The following SARDH variants were observed in gnomAD, a reference collection of about 807,000 sequenced individuals.
SARDH encodes sarcosine dehydrogenase, mitochondrial.
A neutral mutation model predicts 109.1 loss-of-function variants in SARDH; 95 were observed. The observed-to-expected ratio is 0.87, with a 90% CI of 0.74 to 1.03. The LOEUF (loss-of-function observed/expected upper bound fraction) is 1.03. Among genes scored for constraint, SARDH ranks in the 50% least tolerant of loss-of-function variants. SARDH has a pLI of 0.00. For missense variants in SARDH, 1,267 were observed against 1,287.8 expected, an observed-to-expected ratio of 0.98 and a Z score of 0.25; for synonymous variants, 572 against 534.8, an observed-to-expected ratio of 1.07 and a Z score of -0.96.
In SARDH at chr9:133,703,228, C is replaced by T. The variant is rs538663046; in HGVS notation, c.1555-199G>A. 4.1e-5 allele frequency: 24 copies of T among 582,924 alleles called. No individual in the cohort carries two copies. In the East Asian group the frequency reaches 6.5e-4, roughly 16 times the overall value. The allele number at this position is 582,924 out of a possible 1,614,324, so 36.1% of individuals were successfully genotyped here. ...AGGCAAAACAGAGGCACAAAGGAGG[C>T]CGCAGGGTTGCCTGGTGGGTCTGAG... On this transcript the variant is annotated intron_variant, in intron 12 of 20. Transcript: ENST00000439388.
chr9:133,733,847 C>G lies in SARDH; in HGVS notation c.327G>C (p.Thr109=). The change falls in exon 2 of 21, where the codon ACG becomes ACC. Residue 109 remains threonine, a synonymous_variant. Transcript: ENST00000439388. ...TACCTGGCCCCCGGTCCCTACCTGC[C>G]GTGTGCCAGGTGGTCCCGGAGGTCA... The part of the protein sequence containing the change: ...ERLTSGTTWH[T]AGLLWQLRPS... 6.8e-7 allele frequency: 1 copy of G among 1,463,124 alleles called. No homozygotes were observed. Among genetic ancestry groups the G allele is most frequent in the Non-Finnish European group, 9.0e-7 (1 of 1,105,854 alleles). The allele number at this position is 1,463,124 out of a possible 1,614,324, so 90.6% of individuals were successfully genotyped here.
intron 17 of SARDH, among the ~76,000 whole-genome samples, chr9:133,683,267 C>G (rs1830762457): frequency 6.6e-6 from 1 of 152,230 alleles, no homozygotes; most frequent in African/African-American, 2.4e-5. Flanking sequence ...GTCCCAGCAG[C>G]TTGCTGGAGT....
At chr9:133,684,882 G>A (rs1830828450) in intron 17 of SARDH, among the ~76,000 whole-genome samples, 1 of 152,214 alleles carries the variant, frequency 6.6e-6, no homozygotes, top group African/African-American at 2.4e-5. Flanking sequence ...CGCCTTTCAG[G>A]AGGGGATACA....
intron 17 of SARDH, among the ~76,000 whole-genome samples, chr9:133,673,753 C>G (rs1030309225): frequency 2.0e-5 from 3 of 152,192 alleles, no homozygotes; most frequent in African/African-American, 7.2e-5. Context: ...TATGGAGGAG[C>G]TCGGGGCTCA....
At chr9:133,710,840 G>T (rs934931238) in intron 10 of SARDH, among the ~76,000 whole-genome samples, 4 of 152,260 alleles carry the variant, frequency 2.6e-5, no homozygotes, top group African/African-American at 4.8e-5. Flanking sequence ...CCACGTCAGT[G>T]ACGGCTGGGC....
At chr9:133,679,583 C>T (rs576992376) in intron 17 of SARDH, among the ~76,000 whole-genome samples, 2 of 152,324 alleles carry the variant, frequency 1.3e-5, no homozygotes, top group South Asian at 4.1e-4. Flanking sequence ...CTCTGGGAGA[C>T]ACGCCGGGAG....
intron 18 of SARDH, 56 bp from the exon 19 acceptor site, chr9:133,670,808 G>A: frequency 6.7e-7 from 1 of 1,489,868 alleles, no homozygotes. Context: ...AAGCCCTTCA[G>A]GAGATGCATG....
chr9:133,679,244 G>A (rs1161492839), intron 17 of SARDH, among the ~76,000 whole-genome samples: 1 of 152,226 alleles, frequency 6.6e-6, no homozygotes, highest in East Asian at 1.9e-4. Flanking sequence ...ATCTGTCTCA[G>A]GCCTCAGCAA....
intron 19 of SARDH, 121 bp downstream of exon 19, chr9:133,670,463 G>C: frequency 6.3e-6 from 7 of 1,115,736 alleles, no homozygotes; most frequent in Non-Finnish European, 8.9e-6. Flanking sequence ...TTCTGGAAGA[G>C]CATGGCTGGC....
chr9:133,662,164 C>A (rs1829903042), downstream of SARDH, among the ~76,000 whole-genome samples: 1 of 152,040 alleles, frequency 6.6e-6, no homozygotes, highest in Non-Finnish European at 1.5e-5. The surrounding 1 kb of genome is among the most constrained non-coding windows in gnomAD (Gnocchi z 5.1). Flanking sequence ...GTGCTGGGTT[C>A]TCTCTCCTCG....
chr9:133,705,050 C>T lies in SARDH; in HGVS notation c.1471-19G>A, dbSNP rs755570762. 1.9e-6 allele frequency: 3 copies of T among 1,576,586 alleles called. No homozygotes were observed. The Admixed American group carries it at 5.6e-5, about 29-fold the overall frequency. On this transcript the variant is annotated intron_variant, in intron 11 of 20. Coordinates refer to ENST00000439388, the MANE Select transcript of SARDH (RefSeq NM_001134707.2). ...GGAGTTCCTGAGCAGGAGTGGGGAA[C>T]AGGCATCTGTCACGCATGGCCTGAT...
intron 16 of SARDH, 151 bp downstream of exon 16, chr9:133,690,229 T>G: frequency 1.2e-6 from 1 of 812,384 alleles, no homozygotes; most frequent in Non-Finnish European, 1.9e-6. Context: ...GCTTTGAAGA[T>G]ATTTATTCAG....
chr9:133,730,814 A>G (rs1168721315), intron 4 of SARDH, among the ~76,000 whole-genome samples: 1 of 152,096 alleles, frequency 6.6e-6, no homozygotes, highest in Non-Finnish European at 1.5e-5. Context: ...TGTCTCTACT[A>G]AAAATACAAA....
intron 17 of SARDH, among the ~76,000 whole-genome samples, chr9:133,673,222 CT>C (rs1830410314): frequency 6.6e-6 from 1 of 152,270 alleles, no homozygotes; most frequent in African/African-American, 2.4e-5. Flanking sequence ...CGTGATTTTC[CT>C]CACACACTTG....
Position 133,738,235 on chromosome 9 carries a change from G to A in SARDH, c.-31+19C>T, listed in dbSNP as rs1832948424. The A allele has an allele frequency of 1.3e-5, 2 of 152,504 alleles. No individual in the cohort carries two copies. The highest frequency in any genetic ancestry group is 1.5e-5 in the Non-Finnish European group (1 of 68,280). The allele number at this position is 152,504 out of a possible 1,614,324, so 9.4% of individuals were successfully genotyped here. ...GAGGCCCCAGCCTCGTCCCTCCCTGGGGGTGTACCTCCAAGTACCTCTTGT... is the reference window on the plus strand; with the variant it reads ...GAGGCCCCAGCCTCGTCCCTCCCTGAGGGTGTACCTCCAAGTACCTCTTGT... On this transcript the variant is annotated intron_variant, in intron 1 of 20. Transcript: ENST00000439388.
chr9:133,675,205 G>T (rs1413054441), intron 17 of SARDH, among the ~76,000 whole-genome samples: 3 of 152,080 alleles, frequency 2.0e-5, no homozygotes. Flanking sequence ...AAAAAAATTA[G>T]TTGGGCATGG....
intron 17 of SARDH, among the ~76,000 whole-genome samples, chr9:133,678,795 T>C (rs760294046): frequency 1.3e-4 from 20 of 152,234 alleles, no homozygotes; most frequent in Non-Finnish European, 2.1e-4. Context: ...CCCTTTCTGA[T>C]GGCTCCCATG....
rs1831815289 is a variant in SARDH at position 133,709,080 on chromosome 9, G to A, written c.1329-652C>T. Among the ~76,000 whole-genome samples, 1 of 152,198 alleles carries A rather than the reference G, an allele frequency of 6.6e-6. No homozygotes were observed. Among genetic ancestry groups the A allele is most frequent in the Non-Finnish European group, 1.5e-5 (1 of 68,032 alleles). ...AAATCCCAGCTGTGTCTGGGGAGCG[G>A]CTGCCCAATCCAGCGCCTGGGACCG... On this transcript the variant is annotated intron_variant, in intron 10 of 20. Transcript: ENST00000439388. This position sits in a 1 kb window ranked among gnomAD's most constrained non-coding sequence, Gnocchi z 4.2.
In SARDH at chr9:133,666,771, G is replaced by C; in HGVS notation, c.2595C>G (p.Ile865Met). ...TGGGGTCATGGATGTAACCGTAGGC[G>C]ATGGTCTTGTCGATGGCGAACCCAA... ...ADFGFAIDKT[I>M]AYGYIHDPSG... Residue 865 changes from isoleucine to methionine, a missense_variant, in exon 20 of 21, where the codon ATC becomes ATG. By Grantham distance (10) the Ile-to-Met change is conservative. Coordinates refer to ENST00000439388, the MANE Select transcript of SARDH (RefSeq NM_001134707.2). This position sits in a 1 kb window ranked among gnomAD's most constrained non-coding sequence, Gnocchi z 5.2. 1 of 1,601,764 alleles carries C rather than the reference G, an allele frequency of 6.2e-7. No individual in the cohort carries two copies. The highest frequency in any genetic ancestry group is 2.3e-5 in the East Asian group (1 of 44,326).
Sources: gnomAD v4.1 joint callset for allele counts (sites outside exome capture counted in the v4.1 genomes callset) on GRCh38, gnomAD v4.1.1 for gene constraint, Gnocchi (gnomAD v3.1) non-coding constraint, MANE v1.5 for transcripts, NCBI Gene and HGNC (gene_info 2026-07-23, HGNC 2026-07-21) for gene names.